The following L2HGDH variants were observed in gnomAD, a reference collection of about 807,000 sequenced individuals.
L2HGDH encodes the protein L-2-hydroxyglutarate dehydrogenase, mitochondrial.
A neutral mutation model predicts 51.5 loss-of-function variants in L2HGDH; 34 were observed. The observed-to-expected ratio is 0.66, with a 90% CI of 0.50 to 0.88. L2HGDH has a LOEUF of 0.88. Among genes scored for constraint, L2HGDH ranks in the 40% least tolerant of loss-of-function variants. The probability of loss-of-function intolerance (pLI) is 0.00; values close to 1 mark genes in which losing one functional copy is unlikely to be tolerated. For synonymous variants in L2HGDH, 198 were observed against 197.9 expected, an observed-to-expected ratio of 1.00 and a Z score of -0.01; for missense variants, 558 against 571.9, an observed-to-expected ratio of 0.98 and a Z score of 0.25.
chr14:50,273,828 C>G (rs190106881), intron 6 of L2HGDH, among the ~76,000 whole-genome samples: 4 of 152,314 alleles, frequency 2.6e-5, no homozygotes, highest in Admixed American at 6.5e-5. Flanking sequence ...CGCCTGTAAT[C>G]CCCGCACTTT....
At chr14:50,306,369 G>A (rs1044270993) in intron 1 of L2HGDH, among the ~76,000 whole-genome samples, 2 of 151,910 alleles carry the variant, frequency 1.3e-5, no homozygotes, top group African/African-American at 4.8e-5. Context: ...AATTTATCAA[G>A]TTGATATCTA....
At chr14:50,248,008 C>T (rs748977903) in intron 9 of L2HGDH, among the ~76,000 whole-genome samples, 1 of 152,006 alleles carries the variant, frequency 6.6e-6, no homozygotes, top group Non-Finnish European at 1.5e-5. Flanking sequence ...CTACGTTGCC[C>T]AGGCTGGTCT....
intron 6 of L2HGDH, among the ~76,000 whole-genome samples, chr14:50,274,573 C>A (rs1193064666): frequency 6.6e-6 from 1 of 152,054 alleles, no homozygotes; most frequent in Non-Finnish European, 1.5e-5. Flanking sequence ...ATAGAACTAC[C>A]ATATGATCCA....
At chr14:50,299,052 G>A (rs764671927) in intron 3 of L2HGDH, among the ~76,000 whole-genome samples, 66 of 151,932 alleles carry the variant, frequency 4.3e-4, no homozygotes, top group Non-Finnish European at 8.8e-4. Context: ...TTGGTTTTTT[G>A]AAAGGATAAA....
At chr14:50,270,847 AC>A (rs932498110) in intron 6 of L2HGDH, among the ~76,000 whole-genome samples, 3 of 151,806 alleles carry the variant, frequency 2.0e-5, no homozygotes, top group Non-Finnish European at 4.4e-5. Context: ...CTAAATTTTC[AC>A]CTCTATATGT....
At chr14:50,310,127 G>A (rs184510328) in intron 1 of L2HGDH, among the ~76,000 whole-genome samples, 42 of 152,236 alleles carry the variant, frequency 2.8e-4, no homozygotes, top group Admixed American at 2.6e-3. Context: ...CGTGGATTTT[G>A]CCAATATCAA....
At chr14:50,304,735 T>C (rs2030628178) in intron 1 of L2HGDH, among the ~76,000 whole-genome samples, 1 of 152,084 alleles carries the variant, frequency 6.6e-6, no homozygotes, top group Non-Finnish European at 1.5e-5. Context: ...CTCGGGAGGC[T>C]GAGGCAGGAG....
At chr14:50,256,020 T>A (rs1004501462) in intron 9 of L2HGDH, among the ~76,000 whole-genome samples, 1 of 151,412 alleles carries the variant, frequency 6.6e-6, no homozygotes, top group South Asian at 2.1e-4. Context: ...GAAAAAAAAA[T>A]ATGTCCAGAA....
chr14:50,281,284 T>C (rs1356411509), intron 5 of L2HGDH, among the ~76,000 whole-genome samples: 1 of 152,148 alleles, frequency 6.6e-6, no homozygotes, highest in Non-Finnish European at 1.5e-5. Context: ...TTCTCTCCTT[T>C]CCAGCAGTAT....
intron 1 of L2HGDH, among the ~76,000 whole-genome samples, chr14:50,308,862 G>T (rs2139231454): frequency 6.6e-6 from 1 of 152,286 alleles, no homozygotes; most frequent in African/African-American, 2.4e-5. Flanking sequence ...CAGCTTGGAT[G>T]TTCTTCAACC....
At chr14:50,303,765 G>A (rs1424811525) in intron 1 of L2HGDH, among the ~76,000 whole-genome samples, 1 of 138,960 alleles carries the variant, frequency 7.2e-6, no homozygotes, top group African/African-American at 2.8e-5. Context: ...CTGGGAGACA[G>A]CGCCAGACCC....
At chr14:50,307,157 G>A (rs930433497) in intron 1 of L2HGDH, among the ~76,000 whole-genome samples, 2 of 152,136 alleles carry the variant, frequency 1.3e-5, no homozygotes, top group African/African-American at 2.4e-5. Context: ...AGCTTTTGGG[G>A]AGGTAGACCT....
At chr14:50,293,775 T>C (rs758977230) in intron 4 of L2HGDH, among the ~76,000 whole-genome samples, 2 of 152,160 alleles carry the variant, frequency 1.3e-5, no homozygotes, top group Non-Finnish European at 2.9e-5. Context: ...CCAAACCCTT[T>C]ATGTGGGCCT....
chr14:50,280,702 T>TG (rs1212074751), intron 5 of L2HGDH, among the ~76,000 whole-genome samples: 1 of 152,126 alleles, frequency 6.6e-6, no homozygotes, highest in Non-Finnish European at 1.5e-5. Context: ...TTAGTAAAGA[T>TG]GGGGTCTCGC....
At chr14:50,285,023 G>A (rs542555429) in intron 4 of L2HGDH, among the ~76,000 whole-genome samples, 51 of 152,216 alleles carry the variant, frequency 3.4e-4, no homozygotes, top group South Asian at 1.9e-3. Context: ...TGAGGCAGGC[G>A]GATCACAAGG....
chr14:50,303,082 C>T, intron 1 of L2HGDH, 65 bp from the exon 2 acceptor site: 1 of 968,222 alleles, frequency 1.0e-6, no homozygotes, highest in Non-Finnish European at 1.7e-6. Context: ...ACTTCACATG[C>T]ATAATTTTCA....
chr14:50,262,325 G>A (rs1283586839), intron 9 of L2HGDH, among the ~76,000 whole-genome samples: 1 of 151,728 alleles, frequency 6.6e-6, no homozygotes, highest in Non-Finnish European at 1.5e-5. Flanking sequence ...AGCTACTCGG[G>A]AGGCTGAGGC....
At chr14:50,260,742 C>T (rs957403191) in intron 9 of L2HGDH, among the ~76,000 whole-genome samples, 4 of 152,084 alleles carry the variant, frequency 2.6e-5, no homozygotes, top group African/African-American at 9.7e-5. Flanking sequence ...GATTTTGCCC[C>T]CTACAGGACA....
At chr14:50,307,887 C>T (rs2030822951) in intron 1 of L2HGDH, among the ~76,000 whole-genome samples, 1 of 151,814 alleles carries the variant, frequency 6.6e-6, no homozygotes, top group African/African-American at 2.4e-5. Context: ...AAAAATAGGA[C>T]AAAATCTTGG....
Sources: allele counts gnomAD v4.1 joint callset (sites outside exome capture counted in the v4.1 genomes callset), GRCh38; gene constraint gnomAD v4.1.1; transcripts MANE v1.5; gene names NCBI Gene and HGNC (gene_info 2026-07-23, HGNC 2026-07-21).